Variants in LINC00632 observed in about 807,000 individuals in gnomAD.
The protein encoded by LINC00632 is ALDOA related specific transcript.
chrX:140,763,795 C>G (rs1931639273), intron 3 of LINC00632, among the ~76,000 whole-genome samples: 1 of 112,060 alleles, frequency 8.9e-6, no homozygotes, highest in Non-Finnish European at 1.9e-5. Flanking sequence ...AAATTCTGAG[C>G]TGCCAGTCTC....
exon 4 of LINC00632, chrX:140,772,480 G>T: frequency 3.4e-6 from 1 of 293,797 alleles, no homozygotes; most frequent in Non-Finnish European, 5.9e-6. Context: ...AGTTAGGGGT[G>T]AGAATGGCAT....
intron 3 of LINC00632, among the ~76,000 whole-genome samples, chrX:140,754,142 A>G (rs1421756892): frequency 1.8e-5 from 2 of 111,601 alleles, no homozygotes; most frequent in African/African-American, 6.5e-5. Context: ...CCTGAGTTCC[A>G]GTTCAAAAAC....
intron 3 of LINC00632, among the ~76,000 whole-genome samples, chrX:140,756,533 G>C (rs1931496964): frequency 9.0e-6 from 1 of 111,519 alleles, no homozygotes; most frequent in Non-Finnish European, 1.9e-5. Context: ...AAGTGTATCG[G>C]GACGGAGTGA....
intron 2 of LINC00632, among the ~76,000 whole-genome samples, chrX:140,723,666 T>TC (rs1569348346): frequency 8.0e-3 from 11 of 1,368 alleles, no homozygotes; most frequent in African/African-American, 0.014. Flanking sequence ...ACATTCCATA[T>TC]ACACACATTC....
chrX:140,767,774 T>C (rs1230380916), intron 3 of LINC00632, among the ~76,000 whole-genome samples: 1 of 111,635 alleles, frequency 9.0e-6, no homozygotes, highest in Non-Finnish European at 1.9e-5. Context: ...TTATGGAGGA[T>C]GAGAAGGCCA....
exon 5 of LINC00632, among the ~76,000 whole-genome samples, chrX:140,776,330 C>T (rs1016818971): frequency 3.5e-5 from 4 of 112,858 alleles, no homozygotes; most frequent in Non-Finnish European, 7.5e-5. Flanking sequence ...CGTGAAGAAC[C>T]TGGCGCTAAA....
chrX:140,717,406 A>T (rs908075242), intron 2 of LINC00632, among the ~76,000 whole-genome samples: 3 of 110,877 alleles, frequency 2.7e-5, no homozygotes, highest in African/African-American at 9.9e-5. Context: ...CATACCACAC[A>T]GATTTGCTCT....
intron 2 of LINC00632, among the ~76,000 whole-genome samples, chrX:140,733,400 A>C (rs968988503): frequency 4.5e-5 from 5 of 112,163 alleles, no homozygotes; most frequent in Non-Finnish European, 5.6e-5. Flanking sequence ...TAAAAAAAAA[A>C]ACCTGCATTT....
chrX:140,766,653 T>C (rs916869070), intron 3 of LINC00632, among the ~76,000 whole-genome samples: 1 of 112,152 alleles, frequency 8.9e-6, no homozygotes, highest in African/African-American at 3.2e-5. Flanking sequence ...GTTTTCTACA[T>C]AGAAGTCTCC....
intron 3 of LINC00632, among the ~76,000 whole-genome samples, chrX:140,748,400 C>G (rs1287539280): frequency 8.9e-6 from 1 of 111,888 alleles, no homozygotes; most frequent in Non-Finnish European, 1.9e-5. Context: ...CTGAATTTCA[C>G]TTTAATGGCT....
exon 5 of LINC00632, among the ~76,000 whole-genome samples, chrX:140,789,452 C>T (rs1309999191): frequency 9.0e-6 from 1 of 111,118 alleles, no homozygotes; most frequent in Non-Finnish European, 1.9e-5. Flanking sequence ...ATTCTTTCCA[C>T]ATGATCTTTT....
At chrX:140,742,877 G>GAGAGAGAA (rs1209141726) in intron 3 of LINC00632, among the ~76,000 whole-genome samples, 56 of 94,436 alleles carry the variant, frequency 5.9e-4, no homozygotes, top group African/African-American at 2.2e-3. Flanking sequence ...GAGAGAGAGA[G>GAGAGAGAA]AGGAAGGAAG....
chrX:140,747,052 C>T (rs1282713506), intron 3 of LINC00632, among the ~76,000 whole-genome samples: 3 of 112,035 alleles, frequency 2.7e-5, no homozygotes, highest in South Asian at 7.4e-4. Flanking sequence ...AATACATTTT[C>T]CCTGCAGTTT....
exon 5 of LINC00632, among the ~76,000 whole-genome samples, chrX:140,786,768 A>G (rs1249815753): frequency 8.9e-6 from 1 of 111,869 alleles, no homozygotes; most frequent in Non-Finnish European, 1.9e-5. Context: ...TGAAAAACAG[A>G]AAAACCTTAG....
chrX:140,750,892 A>C (rs757678175), intron 3 of LINC00632, among the ~76,000 whole-genome samples: 1 of 111,483 alleles, frequency 9.0e-6, no homozygotes, highest in Admixed American at 9.6e-5. Flanking sequence ...TCCATTCCTG[A>C]GTTACTTCAC....
intron 3 of LINC00632, among the ~76,000 whole-genome samples, chrX:140,765,063 C>T (rs1313835503): frequency 1.4e-4 from 16 of 111,433 alleles, no homozygotes; most frequent in South Asian, 3.9e-4. Flanking sequence ...GCCAAAATTC[C>T]GCAAGAAGCT....
chrX:140,763,341 T>G (rs1351327515), intron 3 of LINC00632, among the ~76,000 whole-genome samples: 2 of 104,223 alleles, frequency 1.9e-5, no homozygotes, highest in African/African-American at 7.1e-5. Context: ...AGGCAGAGGT[T>G]GCAGTGAGCC....
chrX:140,733,962 T>A (rs1457290709), exon 3 of LINC00632: 1 of 112,020 alleles, frequency 8.9e-6, no homozygotes, highest in Non-Finnish European at 1.9e-5. Flanking sequence ...GTGACCAAAC[T>A]GAGTAAGTAC....
exon 5 of LINC00632, chrX:140,783,677 T>C (rs762854344): frequency 8.3e-7 from 1 of 1,209,672 alleles, no homozygotes. Context: ...AGTCAGTCAG[T>C]GTCTTCCAGA....
Sources: gnomAD v4.1 joint callset for allele counts (sites outside exome capture counted in the v4.1 genomes callset) on GRCh38, gnomAD v4.1.1 for gene constraint, MANE v1.5 for transcripts, NCBI Gene and HGNC (gene_info 2026-07-23, HGNC 2026-07-21) for gene names.